Variants in FARP1 observed in about 807,000 individuals in gnomAD.
The protein encoded by FARP1 is FERM, ARH/RhoGEF and pleckstrin domain protein 1.
FARP1 carries 52 observed loss-of-function variants against 128.8 expected under a neutral mutation model. The observed-to-expected ratio is 0.40, with a 90% CI of 0.32 to 0.51. FARP1 has a LOEUF of 0.51. FARP1 is among the 20% of genes least tolerant of loss of function. The pLI is 0.45. For missense variants in FARP1, 1,333 were observed against 1,367.9 expected, an observed-to-expected ratio of 0.97 and a Z score of 0.40; for synonymous variants, 580 against 551.8, an observed-to-expected ratio of 1.05 and a Z score of -0.72.
At chr13:98,196,202 T>C (rs1267996034) in intron 1 of FARP1, among the ~76,000 whole-genome samples, 2 of 152,148 alleles carry the variant, frequency 1.3e-5, no homozygotes, top group African/African-American at 4.8e-5. Context: ...TGATTGCATC[T>C]AAAATGACTG....
At position 98,169,107 on chromosome 13, in the gene FARP1, C is replaced by T. The variant is rs541116324; in HGVS notation, c.-24+25615C>T. The stretch of plus-strand genomic sequence containing the variant: ...ATCCATTGCTAATAACTTGAACCGA[C>T]CTATCAGTTTTCTTTCAACTAATTT... On this transcript the variant is annotated intron_variant, in intron 1 of 26. Coordinates refer to ENST00000319562, the MANE Select transcript of FARP1 (RefSeq NM_005766.4). Among the ~76,000 whole-genome samples, 6 of 152,224 alleles carry T rather than the reference C, an allele frequency of 3.9e-5. No homozygotes were observed. In the East Asian group the frequency reaches 1.2e-3, roughly 29 times the overall value.
chr13:98,148,690 A>G (rs1298881148), intron 1 of FARP1, among the ~76,000 whole-genome samples: 1 of 152,142 alleles, frequency 6.6e-6, no homozygotes, highest in Non-Finnish European at 1.5e-5. Flanking sequence ...CATGTCTTAG[A>G]TACCTTTGTT....
intron 2 of FARP1, among the ~76,000 whole-genome samples, chr13:98,263,323 A>T (rs959790067): frequency 2.0e-5 from 3 of 152,120 alleles, no homozygotes; most frequent in Non-Finnish European, 4.4e-5. Flanking sequence ...ACTTTTATTT[A>T]TAATGTTTAT....
chr13:98,262,845 G>A (rs1235695261), intron 2 of FARP1, among the ~76,000 whole-genome samples: 1 of 152,120 alleles, frequency 6.6e-6, no homozygotes, highest in Non-Finnish European at 1.5e-5. Flanking sequence ...AGAGTGTGGA[G>A]GTATCGGGCC....
chr13:98,332,626 G>A (rs1402415215), intron 2 of FARP1: 1 of 152,230 alleles, frequency 6.6e-6, no homozygotes, highest in Admixed American at 6.5e-5. Context: ...CAGTTTAAAA[G>A]CCTTTTGCAT....
intron 2 of FARP1, among the ~76,000 whole-genome samples, chr13:98,324,007 T>A (rs531963775): frequency 4.7e-4 from 71 of 152,368 alleles, no homozygotes; most frequent in African/African-American, 1.7e-3. Flanking sequence ...ACTTGAACTA[T>A]GTCTGAGGAG....
intron 2 of FARP1, among the ~76,000 whole-genome samples, chr13:98,265,530 G>A (rs190893671): frequency 0.013 from 1,886 of 150,800 alleles, 17 homozygotes; most frequent in Middle Eastern, 0.034. Flanking sequence ...CGTTTTAGCC[G>A]GGATGGTCTC....
chr13:98,373,533 G>GACACACACACACACACACACAC (rs58658962), intron 5 of FARP1, among the ~76,000 whole-genome samples: 93 of 131,062 alleles, frequency 7.1e-4, no homozygotes, highest in Non-Finnish European at 1.2e-3. Flanking sequence ...CAGACAGACA[G>GACACACACACACACACACACAC]ACACACACAC....
intron 3 of FARP1, chr13:98,345,543 T>G (rs1023708740): frequency 6.6e-6 from 1 of 152,202 alleles, no homozygotes; most frequent in Non-Finnish European, 1.5e-5. Flanking sequence ...ATGATTTCAC[T>G]CCATTCTTAC....
intron 2 of FARP1, among the ~76,000 whole-genome samples, chr13:98,309,152 CCTTTTTTTTTTTT>C (rs1886327436): frequency 1.9e-5 from 2 of 106,192 alleles, no homozygotes; most frequent in African/African-American, 7.5e-5. Context: ...TTTTAAGAGG[CCTTTTTTTTTTTT>C]TTTTTTTTTT....
In FARP1 at chr13:98,450,587, G is replaced by C. The variant is rs1423013308; in HGVS notation, c.*2270G>C. 6.6e-6 allele frequency: 1 copy of C among 152,468 alleles called. No individual in the cohort carries two copies. Among genetic ancestry groups the C allele is most frequent in the Non-Finnish European group, 1.5e-5 (1 of 68,236 alleles). The allele number at this position is 152,468 out of a possible 1,614,324, so 9.4% of individuals were successfully genotyped here. ...AAACGCAGGAGCTACCAGCCACCCA[G>C]TCCACGGCCCTCGTCTCCCAGAGGC... On this transcript the variant is annotated 3_prime_UTR_variant, in exon 27 of 27. Transcript: ENST00000319562.
chr13:98,150,111 G>A (rs1327034933), intron 1 of FARP1, among the ~76,000 whole-genome samples: 3 of 147,222 alleles, frequency 2.0e-5, no homozygotes, highest in Non-Finnish European at 3.0e-5. Flanking sequence ...CAATCTTGGC[G>A]CACTGCAACC....
chr13:98,246,181 G>T (rs12868148), intron 2 of FARP1, among the ~76,000 whole-genome samples: 50,531 of 131,792 alleles, frequency 0.38, 9,341 homozygotes, highest in East Asian at 0.63. Context: ...TGCAGGCTCC[G>T]CCCCCTGGGG....
chr13:98,297,332 G>A (rs575493486), intron 2 of FARP1, among the ~76,000 whole-genome samples: 4 of 152,338 alleles, frequency 2.6e-5, no homozygotes, highest in East Asian at 1.9e-4. Flanking sequence ...TACCTCTCTC[G>A]AAGCCATCTG....
chr13:98,365,503 A>G (rs994511189), intron 4 of FARP1, 66 bp downstream of exon 4: 145 of 1,203,352 alleles, frequency 1.2e-4, no homozygotes, highest in Middle Eastern at 3.8e-4. Context: ...ATGTCTAGAC[A>G]TCTCTTGCCC....
intron 26 of FARP1, 98 bp from the exon 27 acceptor site, chr13:98,448,138 G>T (rs554602895): frequency 2.0e-6 from 2 of 992,320 alleles, no homozygotes; most frequent in Admixed American, 3.5e-5. Flanking sequence ...CCAACCAGGC[G>T]GCCTGACTTC....
chr13:98,415,024 G>A (rs1891323935), intron 16 of FARP1, among the ~76,000 whole-genome samples: 1 of 152,240 alleles, frequency 6.6e-6, no homozygotes, highest in Non-Finnish European at 1.5e-5. Context: ...AAGCCTAAGT[G>A]CAGCGTGGCA....
intron 16 of FARP1, among the ~76,000 whole-genome samples, chr13:98,416,016 C>A (rs1267685524): frequency 6.6e-6 from 1 of 152,366 alleles, no homozygotes; most frequent in East Asian, 1.9e-4. Context: ...TACTGCGCTG[C>A]GCAGAGAAAG....
intron 17 of FARP1, among the ~76,000 whole-genome samples, chr13:98,428,894 G>A (rs187489006): frequency 3.4e-4 from 52 of 152,326 alleles, no homozygotes; most frequent in Admixed American, 1.7e-3. Context: ...TGATAGCATC[G>A]CACAGAGCGA....
Sources: allele counts gnomAD v4.1 joint callset (sites outside exome capture counted in the v4.1 genomes callset), GRCh38; gene constraint gnomAD v4.1.1; transcripts MANE v1.5; gene names NCBI Gene and HGNC (gene_info 2026-07-23, HGNC 2026-07-21).